ANKFY1: variants seen among roughly 807,000 people sequenced by gnomAD.
ANKFY1 encodes the protein ankyrin repeat and FYVE domain containing 1.
ANKFY1 carries 47 observed loss-of-function variants against 128.3 expected under a neutral mutation model. The ratio of observed to expected loss-of-function variants is 0.37; its 90% CI spans 0.29 to 0.47. The LOEUF is 0.47. Among genes scored for constraint, ANKFY1 ranks in the 20% least tolerant of loss-of-function variants. The pLI is 1.00. For synonymous variants in ANKFY1, 553 were observed against 601.6 expected (o/e 0.92, Z 1.18); for missense variants, 1,222 against 1,510.6 (o/e 0.81, Z 3.17).
At chr17:4,210,326 T>G (rs1473778402) in intron 4 of ANKFY1, among the ~76,000 whole-genome samples, 1 of 152,210 alleles carries the variant, frequency 6.6e-6, no homozygotes, top group East Asian at 1.9e-4. Context: ...GGAACACCAC[T>G]TTAGTTCCCA....
At chr17:4,263,486 CCAA>C in intron 1 of ANKFY1, 3 of 1,071,316 alleles carry the variant, frequency 2.8e-6, no homozygotes, top group East Asian at 4.7e-5. Context: ...CCACCTCACC[CCAA>C]CCCAGCCCGA....
Position 4,189,458 on chromosome 17 carries a change from G to A in ANKFY1, c.1394C>T (p.Ala465Val). 1.3e-6 allele frequency: 2 copies of A among 1,586,490 alleles called. No individual in the cohort carries two copies. Among genetic ancestry groups the A allele is most frequent in the South Asian group, 1.1e-5 (1 of 87,668 alleles). Residue 465 changes from alanine (A) to valine (V), a missense_variant, in exon 11 of 25, where the codon GCA (alanine) becomes GTA (valine). By Grantham distance (64) the Ala-to-Val change is moderately conservative. Transcript: ENST00000341657. ...TATGNCLLQR[A>V]AGAGNEAAAL... ...TGCTGCCTCGTTTCCTGCTCCAGCT[G>A]CCCGCTGTAGTAAACAGTTTCCTAA...
At position 4,182,515 on chromosome 17, in the gene ANKFY1, A is replaced by C. The variant is rs529043458; in HGVS notation, c.1953-166T>G. Among the ~76,000 whole-genome samples the C allele has an allele frequency of 6.6e-5, 10 of 152,344 alleles. No individual in the cohort carries two copies. In the East Asian group the frequency reaches 1.9e-3, roughly 29 times the overall value. ...TTAAATGTGAAAATAGTGTCTGTCC[A>C]TTCTGACTTTTTAGAACACATAACC... On this transcript the variant is annotated intron_variant, in intron 14 of 24. Coordinates refer to ENST00000341657, the MANE Select transcript of ANKFY1 (RefSeq NM_001330063.2).
chr17:4,233,310 C>G (rs1598119834), intron 3 of ANKFY1, among the ~76,000 whole-genome samples: 1 of 151,910 alleles, frequency 6.6e-6, no homozygotes, highest in East Asian at 1.9e-4. Context: ...CTTATAAGGT[C>G]TTCATAATTC....
intron 19 of ANKFY1, among the ~76,000 whole-genome samples, chr17:4,176,012 G>A (rs2059405890): frequency 6.6e-6 from 1 of 152,158 alleles, no homozygotes; most frequent in Non-Finnish European, 1.5e-5. Flanking sequence ...TGATGAACAC[G>A]AGGCCGATTC....
At chr17:4,223,287 T>C (rs2060359313) in intron 3 of ANKFY1, 1 of 1,004,082 alleles carries the variant, frequency 1.0e-6, no homozygotes, top group Non-Finnish European at 1.6e-6. Flanking sequence ...CTTCACTTGT[T>C]TTTACGGCAG....
chr17:4,218,436 G>A (rs1388009585), intron 3 of ANKFY1, among the ~76,000 whole-genome samples: 1 of 152,146 alleles, frequency 6.6e-6, no homozygotes, highest in East Asian at 1.9e-4. Context: ...TTGAAAAGTA[G>A]GCTAAAAATA....
At chr17:4,255,632 G>A (rs927384888) in intron 1 of ANKFY1, among the ~76,000 whole-genome samples, 2 of 152,098 alleles carry the variant, frequency 1.3e-5, no homozygotes, top group African/African-American at 4.8e-5. Context: ...AGAAATGATT[G>A]TAAAGGCTGT....
intron 16 of ANKFY1, chr17:4,180,211 TCAG>T (rs1317892790): frequency 3.8e-6 from 1 of 260,872 alleles, no homozygotes. Flanking sequence ...GTGGATCACC[TCAG>T]GTCAGGAGTC....
intron 1 of ANKFY1, among the ~76,000 whole-genome samples, chr17:4,253,833 A>G (rs367896916): frequency 2.0e-5 from 3 of 152,278 alleles, no homozygotes; most frequent in South Asian, 4.1e-4. Context: ...CTGACTTAAT[A>G]AACTACACGA....
At chr17:4,257,419 T>C (rs1234112653) in intron 1 of ANKFY1, among the ~76,000 whole-genome samples, 2 of 152,186 alleles carry the variant, frequency 1.3e-5, no homozygotes, top group African/African-American at 4.8e-5. Flanking sequence ...AAAATCCAAA[T>C]GCTGAACCAA....
intron 7 of ANKFY1, among the ~76,000 whole-genome samples, chr17:4,202,424 C>T (rs958355808): frequency 1.4e-5 from 2 of 147,616 alleles, no homozygotes; most frequent in Non-Finnish European, 3.0e-5. Context: ...AGAGGCCGGG[C>T]GCAGTGGCTC....
intron 1 of ANKFY1, 166 bp downstream of exon 1, chr17:4,263,766 G>C (rs751821618): frequency 1.2e-5 from 18 of 1,545,862 alleles, no homozygotes; most frequent in Non-Finnish European, 1.6e-5. Flanking sequence ...CCGCGCTCCG[G>C]ACCCCGGCCC....
chr17:4,183,736 G>C, intron 13 of ANKFY1, 76 bp downstream of exon 13: 1 of 1,480,432 alleles, frequency 6.8e-7, no homozygotes, highest in Non-Finnish European at 9.4e-7. Context: ...TTTCTTTCTC[G>C]CTCCCTCTGT....
At chr17:4,209,750 T>A in intron 5 of ANKFY1, 74 bp downstream of exon 5, 1 of 1,499,948 alleles carries the variant, frequency 6.7e-7, no homozygotes, top group South Asian at 1.3e-5. Flanking sequence ...TCACTTTCCA[T>A]GGAACTACGT....
intron 22 of ANKFY1, among the ~76,000 whole-genome samples, chr17:4,171,705 G>A (rs887437220): frequency 6.6e-6 from 1 of 152,144 alleles, no homozygotes; most frequent in South Asian, 2.1e-4. Flanking sequence ...CCCTCCCAGG[G>A]GCGGACTCCT....
At chr17:4,205,518 G>A (rs574426565) in intron 7 of ANKFY1, among the ~76,000 whole-genome samples, 28 of 152,210 alleles carry the variant, frequency 1.8e-4, no homozygotes, top group Non-Finnish European at 3.8e-4. Context: ...CAAGGTGGGT[G>A]GATCACCAGG....
chr17:4,232,496 T>C (rs2060530173), intron 3 of ANKFY1, among the ~76,000 whole-genome samples: 1 of 152,240 alleles, frequency 6.6e-6, no homozygotes, highest in Admixed American at 6.5e-5. Flanking sequence ...CCACATGTTC[T>C]CCTATCTGCT....
At chr17:4,206,797 G>T (rs536168960) in intron 6 of ANKFY1, among the ~76,000 whole-genome samples, 1 of 152,198 alleles carries the variant, frequency 6.6e-6, no homozygotes, top group Non-Finnish European at 1.5e-5. Context: ...GAGGCTCAGA[G>T]AGTTTTACGG....
Sources: gnomAD v4.1 joint callset for allele counts (sites outside exome capture counted in the v4.1 genomes callset) on GRCh38, gnomAD v4.1.1 for gene constraint, MANE v1.5 for transcripts, NCBI Gene and HGNC (gene_info 2026-07-23, HGNC 2026-07-21) for gene names.